INO80: variants seen among roughly 807,000 people sequenced by gnomAD.
The protein encoded by INO80 is INO80 complex ATPase subunit.
A neutral mutation model predicts 203.4 loss-of-function variants in INO80; 20 were observed. That is an observed-to-expected ratio of 0.10 (90% CI 0.07 to 0.14). INO80 has a LOEUF of 0.14. Among genes scored for constraint, INO80 ranks in the 10% least tolerant of loss-of-function variants. The pLI is 1.00. For missense variants in INO80, 1,419 were observed against 1,914.4 expected (o/e 0.74, Z 4.83); for synonymous variants, 726 against 685.2 (o/e 1.06, Z -0.93).
At position 41,099,270 on chromosome 15, in the gene INO80, A is replaced by AACAC. The variant is rs376598717; in HGVS notation, c.-43-2921_-43-2918dup. On this transcript the variant is annotated intron_variant, in intron 1 of 35. Transcript: ENST00000648947. ...AAAAAAAAAAAAAAAAAAAAAAACAAACACACACACACACACACAACAAGA... is the reference window on the plus strand; with the variant it reads ...AAAAAAAAAAAAAAAAAAAAAAACAAACACACACACACACACACACACAACAAGA... Among the ~76,000 whole-genome samples, 401 of 124,460 alleles carry AACAC rather than the reference A, an allele frequency of 3.2e-3. 1 individual carries two copies. The highest frequency in any genetic ancestry group is 4.5e-3 in the African/African-American group (149 of 32,912). The allele number at this position is 124,460 out of a possible 152,430, so 81.7% of individuals were successfully genotyped here.
intron 24 of INO80, among the ~76,000 whole-genome samples, chr15:41,034,491 C>T (rs1207466098): frequency 6.6e-6 from 1 of 152,166 alleles, no homozygotes; most frequent in Non-Finnish European, 1.5e-5. Flanking sequence ...AAGTCTTTAC[C>T]TTGATCTGAT....
intron 14 of INO80, among the ~76,000 whole-genome samples, chr15:41,067,746 C>G (rs1242256590): frequency 1.3e-5 from 2 of 152,140 alleles, no homozygotes; most frequent in African/African-American, 2.4e-5. Flanking sequence ...CTACAGGAAA[C>G]CCATCACTAT....
At chr15:41,070,587 C>A (rs1285479932) in intron 12 of INO80, 40 bp from the exon 13 acceptor site, 12 of 1,499,262 alleles carry the variant, frequency 8.0e-6, no homozygotes, top group Non-Finnish European at 1.1e-5. Context: ...TCATGCATTT[C>A]ATCAAATAAA....
In INO80 at chr15:41,095,782, G is replaced by A. The variant is rs758419929; in HGVS notation, c.290C>T (p.Ser97Phe). The A allele has an allele frequency of 4.9e-5, 79 of 1,614,028 alleles. No individual in the cohort carries two copies. Among genetic ancestry groups the A allele is most frequent in the Non-Finnish European group, 6.4e-5 (75 of 1,180,026 alleles). The change falls in exon 3 of 36, where the codon TCT (serine) becomes TTT (phenylalanine). Residue 97 changes from serine to phenylalanine, a missense_variant. By Grantham distance (155) the Ser-to-Phe change is radical (BLOSUM62 -2). Transcript: ENST00000648947. ...ACCTGACTGTAGAACTCCATTCAGAGAATATGTGTTTAACATTCCAGAACT... is the reference window on the plus strand; with the variant it reads ...ACCTGACTGTAGAACTCCATTCAGAAAATATGTGTTTAACATTCCAGAACT... ...AGSSGMLNTY[S>F]LNGVLQSESK...
intron 24 of INO80, among the ~76,000 whole-genome samples, chr15:41,037,507 A>T (rs975933704): frequency 6.6e-6 from 1 of 152,106 alleles, no homozygotes; most frequent in Non-Finnish European, 1.5e-5. Context: ...CCATCTCCAA[A>T]AAAATTAATT....
intron 25 of INO80, among the ~76,000 whole-genome samples, chr15:41,022,413 ACCT>A (rs2044308419): frequency 6.6e-6 from 1 of 152,106 alleles, no homozygotes; most frequent in African/African-American, 2.4e-5. Flanking sequence ...ACACATAAGG[ACCT>A]CCTTTGAAGC....
intron 29 of INO80, among the ~76,000 whole-genome samples, chr15:40,993,708 G>A (rs1012929676): frequency 4.6e-5 from 7 of 152,036 alleles, no homozygotes; most frequent in African/African-American, 1.7e-4. Flanking sequence ...GAAGTGAGCC[G>A]AGATCAAGCC....
At position 41,046,202 on chromosome 15, in the gene INO80, C is replaced by CATATATATATATATAT. The variant is rs1205932520; in HGVS notation, c.2736-1128_2736-1127insATATATATATATATAT. Among the ~76,000 whole-genome samples, 19 of 109,492 alleles carry CATATATATATATATAT rather than the reference C, an allele frequency of 1.7e-4. 6 individuals are homozygous for CATATATATATATATAT. Among genetic ancestry groups the CATATATATATATATAT allele is most frequent in the South Asian group, 6.1e-4 (2 of 3,264 alleles). 71.8% of individuals were successfully genotyped at this position (109,492 alleles called of 152,430 possible). On this transcript the variant is annotated intron_variant, in intron 23 of 35. Coordinates refer to ENST00000648947, the MANE Select transcript of INO80 (RefSeq NM_017553.3). The stretch of plus-strand genomic sequence containing the variant: ...CTGTGTGTGTCTCTGTGTGCGTATA[C>CATATATATATATATAT]ATACATATATATATATATATATATA...
intron 24 of INO80, among the ~76,000 whole-genome samples, chr15:41,031,962 G>GCA (rs1566919529): frequency 1.3e-5 from 1 of 74,734 alleles, no homozygotes; most frequent in African/African-American, 4.0e-5. Context: ...GCACAGCACA[G>GCA]GACAGCACAG....
intron 24 of INO80, among the ~76,000 whole-genome samples, chr15:41,041,337 C>A (rs536924703): frequency 6.6e-6 from 1 of 152,034 alleles, no homozygotes; most frequent in Non-Finnish European, 1.5e-5. Flanking sequence ...GCGATCATCC[C>A]GCCTCAGCCT....
At chr15:41,099,805 C>A (rs1180272300) in intron 1 of INO80, among the ~76,000 whole-genome samples, 4 of 151,848 alleles carry the variant, frequency 2.6e-5, no homozygotes, top group African/African-American at 9.7e-5. Context: ...TAAATTTCAC[C>A]TTTTCAAAAT....
At chr15:41,033,886 T>A (rs1278764627) in intron 24 of INO80, among the ~76,000 whole-genome samples, 1 of 151,074 alleles carries the variant, frequency 6.6e-6, no homozygotes, top group African/African-American at 2.4e-5. Flanking sequence ...AAACCCTATC[T>A]CTACTAAAAA....
intron 6 of INO80, among the ~76,000 whole-genome samples, chr15:41,087,169 A>T (rs1451173834): frequency 6.6e-6 from 1 of 152,194 alleles, no homozygotes; most frequent in East Asian, 1.9e-4. Context: ...GCTGTACTGA[A>T]TATGTACAAA....
chr15:41,032,072 G>GCACA lies in INO80; in HGVS notation c.2908-4337_2908-4336insTGTG, dbSNP rs1387575473. ...GCACAGCACAGCACAGGACAGCACA[G>GCACA]GACAGCACAGCACAGCACAGCACAG... On this transcript the variant is annotated intron_variant, in intron 24 of 35. Coordinates refer to ENST00000648947, the MANE Select transcript of INO80 (RefSeq NM_017553.3). Among the ~76,000 whole-genome samples, 54 of 81,700 alleles carry GCACA rather than the reference G, an allele frequency of 6.6e-4. 1 individual carries two copies. Among genetic ancestry groups the GCACA allele is most frequent in the South Asian group, 3.3e-3 (6 of 1,830 alleles). The allele number at this position is 81,700 out of a possible 152,430, so 53.6% of individuals were successfully genotyped here. A position where few individuals can be genotyped will look rare whatever the true frequency, so the allele number is the denominator to read the frequency against.
intron 14 of INO80, among the ~76,000 whole-genome samples, chr15:41,065,384 A>C (rs1361632650): frequency 1.3e-5 from 2 of 151,944 alleles, no homozygotes; most frequent in Non-Finnish European, 2.9e-5. Context: ...GCAGCGAGCC[A>C]AGATCACGCC....
At chr15:41,090,374 G>C (rs569510701) in intron 5 of INO80, among the ~76,000 whole-genome samples, 5 of 151,950 alleles carry the variant, frequency 3.3e-5, no homozygotes, top group Non-Finnish European at 7.4e-5. Context: ...TCAGGAGTTC[G>C]AGACCAACCT....
At chr15:41,023,010 A>G (rs762389012) in intron 25 of INO80, among the ~76,000 whole-genome samples, 12 of 151,954 alleles carry the variant, frequency 7.9e-5, no homozygotes, top group Non-Finnish European at 1.8e-4. Flanking sequence ...CTGAGGCACA[A>G]GAATGGCTTG....
intron 10 of INO80, among the ~76,000 whole-genome samples, chr15:41,073,848 A>T (rs2045360797): frequency 6.6e-6 from 1 of 152,196 alleles, no homozygotes; most frequent in South Asian, 2.1e-4. Context: ...TAACAGGAGA[A>T]ATACAGACAT....
intron 14 of INO80, among the ~76,000 whole-genome samples, chr15:41,061,572 G>A (rs945469341): frequency 5.6e-5 from 8 of 141,932 alleles, no homozygotes; most frequent in East Asian, 2.2e-4. Flanking sequence ...GCAGTGAGCC[G>A]AGATCGTGCC....
Sources: allele counts gnomAD v4.1 joint callset (sites outside exome capture counted in the v4.1 genomes callset), GRCh38; gene constraint gnomAD v4.1.1; transcripts MANE v1.5; gene names NCBI Gene and HGNC (gene_info 2026-07-23, HGNC 2026-07-21).